Variants in DOCK10 observed in about 807,000 individuals in gnomAD.
DOCK10 encodes the protein dedicator of cytokinesis 10.
Under a neutral mutation model 280.1 loss-of-function variants are expected in DOCK10, and 145 were observed. The ratio of observed to expected loss-of-function variants is 0.52; its 90% CI spans 0.45 to 0.59. The LOEUF is 0.59. DOCK10 is among the 20% of genes least tolerant of loss of function. The probability of loss-of-function intolerance (pLI) is 0.00; values close to 1 mark genes in which losing one functional copy is unlikely to be tolerated. For missense variants in DOCK10, 2,368 were observed against 2,651.7 expected (o/e 0.89, Z 2.35); for synonymous variants, 915 against 942.2 (o/e 0.97, Z 0.53).
At chr2:224,887,005 C>T (rs1294205176) in intron 4 of DOCK10, among the ~76,000 whole-genome samples, 1 of 151,986 alleles carries the variant, frequency 6.6e-6, no homozygotes, top group Non-Finnish European at 1.5e-5. Flanking sequence ...TCAAACTATC[C>T]TCCCACCTCA....
chr2:224,847,971 GCA>G (rs1250929586), intron 19 of DOCK10, among the ~76,000 whole-genome samples: 2 of 152,202 alleles, frequency 1.3e-5, no homozygotes, highest in Non-Finnish European at 2.9e-5. Context: ...TTCCAAATGA[GCA>G]CAGTGTCATC....
chr2:224,806,433 A>T (rs1314969135), intron 33 of DOCK10, among the ~76,000 whole-genome samples, 196 bp from the exon 34 acceptor site: 1 of 152,176 alleles, frequency 6.6e-6, no homozygotes, highest in East Asian at 1.9e-4. Context: ...AATTTGATTT[A>T]TGTGACTTTT....
At chr2:224,871,389 T>A (rs978003700) in intron 11 of DOCK10, among the ~76,000 whole-genome samples, 15 of 152,126 alleles carry the variant, frequency 9.9e-5, no homozygotes, top group Non-Finnish European at 1.8e-4. Context: ...AAAACACCAG[T>A]CCAATCCACC....
At chr2:224,986,732 C>T (rs1351005654) in intron 1 of DOCK10, among the ~76,000 whole-genome samples, 1 of 152,154 alleles carries the variant, frequency 6.6e-6, no homozygotes, top group Admixed American at 6.5e-5. Flanking sequence ...ACCCTAAGAG[C>T]ACCTTGATCT....
chr2:224,935,916 T>G (rs1702663404), intron 1 of DOCK10, among the ~76,000 whole-genome samples: 1 of 152,182 alleles, frequency 6.6e-6, no homozygotes, highest in African/African-American at 2.4e-5. Context: ...AATCCAAGAT[T>G]TATACGAGGA....
intron 1 of DOCK10, among the ~76,000 whole-genome samples, chr2:224,935,885 T>C (rs1166947347): frequency 6.6e-6 from 1 of 152,178 alleles, no homozygotes; most frequent in Non-Finnish European, 1.5e-5. Flanking sequence ...GATTCTATCT[T>C]AAAGAAACAA....
chr2:224,858,251 T>C (rs1279391620), intron 14 of DOCK10, among the ~76,000 whole-genome samples: 1 of 152,194 alleles, frequency 6.6e-6, no homozygotes, highest in South Asian at 2.1e-4. Context: ...TCCACAACTC[T>C]GTCATGGAAA....
chr2:224,942,195 C>T (rs1484222094), intron 1 of DOCK10, among the ~76,000 whole-genome samples: 1 of 152,234 alleles, frequency 6.6e-6, no homozygotes, highest in Non-Finnish European at 1.5e-5. Flanking sequence ...GGTACCCCTC[C>T]CATTTCCATT....
rs929786984 is a variant in DOCK10 at position 224,829,868 on chromosome 2, C to A, written c.3036+673G>T. ...TGTAATTAATTCCATCAGGGTCCCT[C>A]TTCTAAGCTTCCTTTCAGGAGGGGA... On this transcript the variant is annotated intron_variant, in intron 27 of 55. Transcript: ENST00000258390. 2.0e-5 allele frequency among the ~76,000 whole-genome samples: 3 copies of A among 152,148 alleles called. No individual in the cohort carries two copies. In the South Asian group the frequency reaches 6.2e-4, roughly 32 times the overall value.
intron 1 of DOCK10, among the ~76,000 whole-genome samples, chr2:225,000,316 T>C (rs983094582): frequency 6.6e-6 from 1 of 152,194 alleles, no homozygotes; most frequent in Non-Finnish European, 1.5e-5. Context: ...ATGATCTATG[T>C]GGCCAGATTC....
intron 3 of DOCK10, 122 bp downstream of exon 3, chr2:224,916,573 A>T: frequency 5.9e-6 from 3 of 508,324 alleles, no homozygotes; most frequent in Non-Finnish European, 1.0e-5. Flanking sequence ...GACATCCACT[A>T]GTTAGAATAT....
chr2:224,956,453 G>A (rs757669985), intron 1 of DOCK10, among the ~76,000 whole-genome samples: 9 of 151,916 alleles, frequency 5.9e-5, no homozygotes, highest in Non-Finnish European at 1.0e-4. Context: ...GTGAAACTCT[G>A]TCTCTACTAA....
rs562463971 is a variant in DOCK10, at chr2:225,042,432, G to A, written c.-58C>T. 12 of 1,227,884 alleles carry A rather than the reference G, an allele frequency of 9.8e-6. No homozygotes were observed. The South Asian group carries it at 3.7e-4, about 38-fold the overall frequency. The allele number at this position is 1,227,884 out of a possible 1,614,324, so 76.1% of individuals were successfully genotyped here. ...GGCGCGCCTCCCGCCGGTCTTCCCC[G>A]CGCCAACCTTCTCTATCCACCCGCC... On this transcript the variant is annotated 5_prime_UTR_variant, in exon 1 of 56. Coordinates refer to ENST00000258390, the MANE Select transcript of DOCK10 (RefSeq NM_014689.3). The surrounding 1 kb of genome is among the most constrained non-coding windows in gnomAD (Gnocchi z 5.1).
intron 33 of DOCK10, 57 bp downstream of exon 33, chr2:224,807,611 T>A (rs922590565): frequency 3.2e-6 from 4 of 1,254,774 alleles, no homozygotes; most frequent in East Asian, 5.1e-5. Context: ...CAAAAAATAA[T>A]TAAAAAAAGA....
rs117431108 is a variant in DOCK10, at chr2:224,907,325, C to T, written c.333+9370G>A. 8.9e-4 allele frequency among the ~76,000 whole-genome samples: 135 copies of T among 152,126 alleles called. 3 individuals are homozygous for T. The East Asian group carries it at 0.021, about 23-fold the overall frequency. On this transcript the variant is annotated intron_variant, in intron 3 of 55. Coordinates refer to ENST00000258390, the MANE Select transcript of DOCK10 (RefSeq NM_014689.3). ...GAACTACCATCACTGGGGCTTGTGC[C>T]GAATTGTGTCTTAGAATTGCATGAC... is the stretch of plus-strand genomic sequence containing the variant.
At chr2:224,999,487 C>T (rs1426093367) in intron 1 of DOCK10, among the ~76,000 whole-genome samples, 5 of 151,730 alleles carry the variant, frequency 3.3e-5, no homozygotes, top group Non-Finnish European at 5.9e-5. Context: ...TCCTGCCTCC[C>T]TCCCTTCCTG....
chr2:224,868,356 T>TA (rs1447141863), intron 11 of DOCK10, among the ~76,000 whole-genome samples: 1 of 152,206 alleles, frequency 6.6e-6, no homozygotes. Flanking sequence ...ATACATATAT[T>TA]GCATACATGC....
At chr2:224,914,714 C>T (rs1405234429) in intron 3 of DOCK10, among the ~76,000 whole-genome samples, 2 of 152,044 alleles carry the variant, frequency 1.3e-5, no homozygotes, top group East Asian at 3.9e-4. Flanking sequence ...CCCCTAAATT[C>T]AAGAAAAAGA....
At chr2:224,849,456 T>A (rs1475211066) in intron 19 of DOCK10, 51 bp downstream of exon 19, 1 of 1,339,552 alleles carries the variant, frequency 7.5e-7, no homozygotes, top group African/African-American at 1.4e-5. Flanking sequence ...ATCTGAACAT[T>A]TACCCACCTT....
Sources: allele counts gnomAD v4.1 joint callset (sites outside exome capture counted in the v4.1 genomes callset), GRCh38; gene constraint gnomAD v4.1.1; non-coding constraint Gnocchi (gnomAD v3.1); transcripts MANE v1.5; gene names NCBI Gene and HGNC (gene_info 2026-07-23, HGNC 2026-07-21).